Variants in WRNIP1 observed in about 807,000 individuals in gnomAD.
WRNIP1 encodes ATPase WRNIP1.
WRNIP1 carries 41 observed loss-of-function variants against 56.1 expected under a neutral mutation model. The ratio of observed to expected loss-of-function variants is 0.73; its 90% CI spans 0.57 to 0.95. The LOEUF (loss-of-function observed/expected upper bound fraction) is 0.95, where lower values mean the gene tolerates loss of function less well. Among genes scored for constraint, WRNIP1 ranks in the 40% least tolerant of loss-of-function variants. The probability of loss-of-function intolerance (pLI) is 0.00; values close to 1 mark genes in which losing one functional copy is unlikely to be tolerated. For synonymous variants in WRNIP1, 547 were observed against 398.1 expected (o/e 1.37, Z -4.45); for missense variants, 1,170 against 939.4 (o/e 1.25, Z -3.21).
chr6:2,765,925 C>G lies in WRNIP1; in HGVS notation c.303C>G (p.Asp101Glu). The G allele has an allele frequency of 6.9e-7, 1 of 1,452,282 alleles. No homozygotes were observed. Among genetic ancestry groups the G allele is most frequent in the Non-Finnish European group, 9.1e-7 (1 of 1,103,594 alleles). The allele number at this position is 1,452,282 out of a possible 1,614,324, so 90.0% of individuals were successfully genotyped here. The change falls in exon 1 of 7, where the codon GAC becomes GAG. Residue 101 changes from aspartate (D) to glutamate (E), a missense_variant. Coordinates refer to ENST00000380773, the MANE Select transcript of WRNIP1 (RefSeq NM_020135.3). ...SSEGEGEEGD[D>E]GGETESRESY... ...AGGGCGAGGGTGAGGAGGGCGACGA[C>G]GGCGGCGAGACCGAGAGCCGCGAGA...
chr6:2,780,394 C>T (rs1258006609), intron 4 of WRNIP1, among the ~76,000 whole-genome samples: 4 of 152,182 alleles, frequency 2.6e-5, no homozygotes, highest in African/African-American at 9.7e-5. Context: ...GCTGCCTCTT[C>T]GTGGGTGAGC....
intron 3 of WRNIP1, among the ~76,000 whole-genome samples, chr6:2,778,560 T>C (rs1477135385): frequency 3.9e-5 from 6 of 152,204 alleles, no homozygotes; most frequent in Non-Finnish European, 7.3e-5. Context: ...CATGGCTATG[T>C]ACCAGCAGTC....
At chr6:2,775,524 G>A (rs372836839) in intron 3 of WRNIP1, among the ~76,000 whole-genome samples, 23 of 152,304 alleles carry the variant, frequency 1.5e-4, no homozygotes, top group African/African-American at 5.3e-4. Flanking sequence ...GTTTAACCAA[G>A]CCATGCATAT....
chr6:2,780,902 C>G (rs1765541376), intron 4 of WRNIP1, among the ~76,000 whole-genome samples: 1 of 152,174 alleles, frequency 6.6e-6, no homozygotes, highest in African/African-American at 2.4e-5. Flanking sequence ...TTCACTAACA[C>G]TCAGCCATTG....
chr6:2,784,243 T>C (rs1011612540), intron 5 of WRNIP1, 81 bp from the exon 6 acceptor site: 17 of 1,316,000 alleles, frequency 1.3e-5, no homozygotes, highest in South Asian at 5.1e-5. Context: ...CAAGCAGTGG[T>C]GGTCTGTGGT....
chr6:2,771,779 G>A (rs978920496), intron 3 of WRNIP1, among the ~76,000 whole-genome samples: 6 of 152,094 alleles, frequency 3.9e-5, no homozygotes, highest in African/African-American at 9.7e-5. Context: ...TAGGTTTCCC[G>A]TAACAGAATT....
At position 2,765,534 on chromosome 6, in the gene WRNIP1, G is replaced by C. The variant is rs1764899856; in HGVS notation, c.-89G>C. ...TGGTTCCCCGAGCGAGGGTCTCGCG[G>C]CGCGGGGCCTAGCGGAGGGCATCGA... On this transcript the variant is annotated 5_prime_UTR_variant, in exon 1 of 7. Coordinates refer to ENST00000380773, the MANE Select transcript of WRNIP1 (RefSeq NM_020135.3). The C allele has an allele frequency of 2.3e-6, 3 of 1,323,702 alleles. No homozygotes were observed. Among genetic ancestry groups the C allele is most frequent in the Non-Finnish European group, 2.9e-6 (3 of 1,043,136 alleles). The allele number at this position is 1,323,702 out of a possible 1,614,324, so 82.0% of individuals were successfully genotyped here.
Position 2,779,438 on chromosome 6 carries a change from G to A in WRNIP1, c.1432G>A (p.Glu478Lys), listed in dbSNP as rs367565393. The change falls in exon 4 of 7, where the codon GAG becomes AAG. Residue 478 changes from glutamate (E) to lysine (K), a missense_variant. Physicochemically the swap from Glu to Lys is moderately conservative, Grantham distance 56. Coordinates refer to ENST00000380773, the MANE Select transcript of WRNIP1 (RefSeq NM_020135.3). ...TTCTCCCAGTAGAGTTCTGATCACA[G>A]AGAATGACGTGAAGGAGGGCCTACA... Reference protein sequence around the residue: ...SYSPSRVLITENDVKEGLQRS... With the variant: ...SYSPSRVLITKNDVKEGLQRS... The A allele has an allele frequency of 1.3e-5, 21 of 1,614,090 alleles. No individual in the cohort carries two copies. The highest frequency in any genetic ancestry group is 5.1e-6 in the Non-Finnish European group (6 of 1,180,048).
At chr6:2,771,710 A>C (rs1427362512) in intron 3 of WRNIP1, among the ~76,000 whole-genome samples, 1 of 152,194 alleles carries the variant, frequency 6.6e-6, no homozygotes, top group Non-Finnish European at 1.5e-5. Flanking sequence ...AAAATCAAAA[A>C]AATAGGAAAT....
chr6:2,771,389 T>G (rs537318520), intron 3 of WRNIP1, among the ~76,000 whole-genome samples: 2 of 152,206 alleles, frequency 1.3e-5, no homozygotes, highest in Non-Finnish European at 2.9e-5. Flanking sequence ...TGGCCTTGTT[T>G]TGGAATACCG....
chr6:2,774,123 T>C (rs1311372183), intron 3 of WRNIP1: 1 of 985,358 alleles, frequency 1.0e-6, no homozygotes, highest in Non-Finnish European at 1.2e-6. Flanking sequence ...AAATGGTTGG[T>C]ATAGAGTAGA....
intron 6 of WRNIP1, 122 bp downstream of exon 6, chr6:2,784,525 C>G (rs1395430906): frequency 2.0e-6 from 2 of 1,004,534 alleles, no homozygotes; most frequent in African/African-American, 1.6e-5. Context: ...GAGTATGCTG[C>G]TTGGCTTTGG....
At position 2,783,183 on chromosome 6, in the gene WRNIP1, G is replaced by C. The variant is rs182400748; in HGVS notation, c.1487-223G>C. Among the ~76,000 whole-genome samples the C allele has an allele frequency of 2.3e-3, 353 of 152,294 alleles. 5 individuals are homozygous for C. The highest frequency in any genetic ancestry group is 8.2e-3 in the African/African-American group (342 of 41,568). ...GTGCACTCCATGTCGACAGCCACAG[G>C]TTTCTGCTGCAGCAGCCTCTTCCCC... On this transcript the variant is annotated intron_variant, in intron 4 of 6. Transcript: ENST00000380773.
intron 3 of WRNIP1, among the ~76,000 whole-genome samples, chr6:2,777,443 C>G (rs995608725): frequency 6.6e-6 from 1 of 152,130 alleles, no homozygotes; most frequent in African/African-American, 2.4e-5. Flanking sequence ...TTTTTCTTCC[C>G]TCAATTGTCC....
At chr6:2,770,567 G>A (rs1417733504) in intron 3 of WRNIP1, among the ~76,000 whole-genome samples, 1 of 152,212 alleles carries the variant, frequency 6.6e-6, no homozygotes, top group Non-Finnish European at 1.5e-5. Flanking sequence ...GCATTTTCCA[G>A]CCTCTAATAT....
chr6:2,775,190 A>T (rs72844444), intron 3 of WRNIP1, among the ~76,000 whole-genome samples: 18,230 of 152,244 alleles, frequency 0.12, 1,459 homozygotes, highest in East Asian at 0.32. Flanking sequence ...TTTACAGAGG[A>T]TGGACCCACT....
chr6:2,779,512 A>G lies in WRNIP1; in HGVS notation c.1486+20A>G, dbSNP rs1373887962. 2 of 1,603,966 alleles carry G rather than the reference A, an allele frequency of 1.2e-6. No homozygotes were observed. Among genetic ancestry groups the G allele is most frequent in the East Asian group, 4.5e-5 (2 of 44,590 alleles). ...GGGCAGGTAAGTAATTCACCTGTGG[A>G]AAGAGTGAAACCATACGGAAAGAAG... is the stretch of plus-strand genomic sequence containing the variant. On this transcript the variant is annotated intron_variant, in intron 4 of 6. Transcript: ENST00000380773.
intron 1 of WRNIP1, among the ~76,000 whole-genome samples, chr6:2,767,939 A>G (rs1393258770): frequency 6.6e-6 from 1 of 152,216 alleles, no homozygotes; most frequent in Non-Finnish European, 1.5e-5. Context: ...TTTAGAAAAG[A>G]AAGTACCACC....
rs767822139 is a variant in WRNIP1 at position 2,768,763 on chromosome 6, A to G, written c.895A>G (p.Asn299Asp). The G allele has an allele frequency of 6.8e-6, 11 of 1,614,058 alleles. No individual in the cohort carries two copies. In the South Asian group the frequency reaches 1.1e-4, roughly 16 times the overall value. Residue 299 changes from asparagine to aspartate, a missense_variant, in exon 2 of 7, where the codon AAT becomes GAT. Coordinates refer to ENST00000380773, the MANE Select transcript of WRNIP1 (RefSeq NM_020135.3). ...AAGGTTTGTGACATTATCTGCAACA[A>G]ATGCCAAGACAAATGATGTGCGAGA... ...SIRFVTLSAT[N>D]AKTNDVRDVI...
Sources: gnomAD v4.1 joint callset for allele counts (sites outside exome capture counted in the v4.1 genomes callset) on GRCh38, gnomAD v4.1.1 for gene constraint, MANE v1.5 for transcripts, NCBI Gene and HGNC (gene_info 2026-07-23, HGNC 2026-07-21) for gene names.